PPP1R9A: variants seen among roughly 807,000 people sequenced by gnomAD.
The protein encoded by PPP1R9A is protein phosphatase 1 regulatory subunit 9A.
Under a neutral mutation model 141.9 loss-of-function variants are expected in PPP1R9A, and 59 were observed. That is an observed-to-expected ratio of 0.42 (90% CI 0.34 to 0.52). The LOEUF is 0.52. Among genes scored for constraint, PPP1R9A ranks in the 20% least tolerant of loss-of-function variants. The pLI, the probability that PPP1R9A is intolerant of heterozygous loss-of-function variation, is 0.10. For synonymous variants in PPP1R9A, 500 were observed against 569.7 expected, an observed-to-expected ratio of 0.88 and a Z score of 1.74; for missense variants, 1,444 against 1,611.9, an observed-to-expected ratio of 0.90 and a Z score of 1.78.
intron 8 of PPP1R9A, among the ~76,000 whole-genome samples, chr7:95,231,275 A>G (rs1795889387): frequency 6.6e-6 from 1 of 152,186 alleles, no homozygotes; most frequent in East Asian, 1.9e-4. Context: ...GAAATGAGAT[A>G]GATGGCAACA....
intron 8 of PPP1R9A, among the ~76,000 whole-genome samples, chr7:95,234,864 A>G (rs949122358): frequency 3.0e-4 from 46 of 152,156 alleles, no homozygotes; most frequent in African/African-American, 1.1e-3. Flanking sequence ...ATAAACCCAA[A>G]TATTTACAGC....
intron 16 of PPP1R9A, among the ~76,000 whole-genome samples, chr7:95,274,947 A>T (rs1251108531): frequency 8.5e-5 from 13 of 152,182 alleles, no homozygotes; most frequent in African/African-American, 3.1e-4. Context: ...CAGTGTAAGG[A>T]TTCAATGAGT....
At chr7:95,191,408 T>TATA (rs1835478090) in intron 5 of PPP1R9A, among the ~76,000 whole-genome samples, 1 of 152,202 alleles carries the variant, frequency 6.6e-6, no homozygotes, top group African/African-American at 2.4e-5. Context: ...TAATGTATAG[T>TATA]GATCATATCA....
intron 3 of PPP1R9A, among the ~76,000 whole-genome samples, 162 bp downstream of exon 3, chr7:95,111,553 T>C (rs940330143): frequency 2.0e-5 from 3 of 152,240 alleles, no homozygotes; most frequent in Middle Eastern, 3.4e-3. Context: ...GGATTCTGAG[T>C]AGATGGTGGA....
intron 2 of PPP1R9A, among the ~76,000 whole-genome samples, chr7:94,981,796 C>T (rs961675145): frequency 3.9e-5 from 6 of 152,132 alleles, no homozygotes; most frequent in Non-Finnish European, 8.8e-5. Context: ...GTGATTATTA[C>T]AGAGAAGAGT....
chr7:94,940,446 A>G (rs1422302070), intron 2 of PPP1R9A, among the ~76,000 whole-genome samples: 1 of 151,836 alleles, frequency 6.6e-6, no homozygotes, highest in South Asian at 2.1e-4. Context: ...TCTTATTCCC[A>G]GTTACTCTGA....
chr7:95,181,525 C>CAT (rs1261526147), intron 5 of PPP1R9A, among the ~76,000 whole-genome samples: 2 of 111,008 alleles, frequency 1.8e-5, no homozygotes, highest in Non-Finnish European at 3.8e-5. Flanking sequence ...TATATTCCAT[C>CAT]ATATATATAT....
intron 12 of PPP1R9A, among the ~76,000 whole-genome samples, chr7:95,255,025 T>G (rs1799387182): frequency 6.6e-6 from 1 of 152,114 alleles, no homozygotes; most frequent in Non-Finnish European, 1.5e-5. Context: ...TAACAAATTT[T>G]TTTCCACCAA....
intron 16 of PPP1R9A, among the ~76,000 whole-genome samples, chr7:95,282,000 A>G (rs946225196): frequency 6.6e-6 from 1 of 152,204 alleles, no homozygotes; most frequent in Non-Finnish European, 1.5e-5. Context: ...ATATGTTTCT[A>G]CACAGCTAGA....
At position 95,293,108 on chromosome 7, in the gene PPP1R9A, G is replaced by C. The variant is rs1445685418; in HGVS notation, c.*2805G>C. Reference sequence around the variant, plus strand: ...TAACAATAGCCAAAAGTGTTTTGGGGTATAGGTTATGCTTTGTTGGGAGGG... The same window carrying C: ...TAACAATAGCCAAAAGTGTTTTGGGCTATAGGTTATGCTTTGTTGGGAGGG... On this transcript the variant is annotated 3_prime_UTR_variant, in exon 20 of 20. Transcript: ENST00000433360. The C allele has an allele frequency of 6.6e-6, 1 of 152,174 alleles. No individual in the cohort carries two copies. The highest frequency in any genetic ancestry group is 1.5e-5 in the Non-Finnish European group (1 of 68,054). The allele number at this position is 152,174 out of a possible 1,614,324, so 9.4% of individuals were successfully genotyped here.
At chr7:94,973,755 A>G (rs953380685) in intron 2 of PPP1R9A, among the ~76,000 whole-genome samples, 5 of 138,932 alleles carry the variant, frequency 3.6e-5, no homozygotes, top group Admixed American at 1.5e-4. Context: ...GTCTCGCTCT[A>G]TTGCCCAGGC....
intron 4 of PPP1R9A, among the ~76,000 whole-genome samples, chr7:95,134,343 A>G (rs2152540283): frequency 6.6e-6 from 1 of 152,250 alleles, no homozygotes; most frequent in Admixed American, 6.5e-5. Flanking sequence ...GGGGAGGGAG[A>G]ACATTAGGAT....
intron 2 of PPP1R9A, among the ~76,000 whole-genome samples, chr7:95,048,702 C>T (rs1454022152): frequency 1.3e-5 from 2 of 151,930 alleles, no homozygotes; most frequent in African/African-American, 4.8e-5. Flanking sequence ...GCCACCACGC[C>T]GAGCTAATTT....
intron 2 of PPP1R9A, among the ~76,000 whole-genome samples, chr7:94,966,229 C>T (rs903609844): frequency 6.6e-6 from 1 of 152,026 alleles, no homozygotes; most frequent in African/African-American, 2.4e-5. Context: ...GGCTGAGACC[C>T]TGGGGTTTCT....
intron 6 of PPP1R9A, among the ~76,000 whole-genome samples, chr7:95,198,907 C>T (rs551350665): frequency 6.6e-6 from 1 of 152,208 alleles, no homozygotes; most frequent in African/African-American, 2.4e-5. Context: ...CATACACAAA[C>T]AAATATACAT....
In PPP1R9A at chr7:95,214,639, AGAAAGCAAGGTCATTG is replaced by A. The variant is rs558658820; in HGVS notation, c.1956+10911_1956+10926del. ...GGATTATACAAGGGCATGAACACCC[AGAAAGCAAGGTCATTG>A]GGGTCATTTTGGAGTCTGCCTCCTA... is the stretch of plus-strand genomic sequence containing the variant. On this transcript the variant is annotated intron_variant, in intron 7 of 19. Coordinates refer to ENST00000433360, the MANE Select transcript of PPP1R9A (RefSeq NM_001166160.2). 2.6e-3 allele frequency among the ~76,000 whole-genome samples: 398 copies of A among 152,306 alleles called. 1 individual carries two copies. Among genetic ancestry groups the A allele is most frequent in the African/African-American group, 8.8e-3 (367 of 41,578 alleles).
At chr7:95,183,084 T>C (rs529797127) in intron 5 of PPP1R9A, among the ~76,000 whole-genome samples, 25 of 152,208 alleles carry the variant, frequency 1.6e-4, no homozygotes, top group Admixed American at 1.6e-3. Context: ...TTAGGCAATT[T>C]TTTTTTTTAA....
intron 12 of PPP1R9A, among the ~76,000 whole-genome samples, chr7:95,260,329 A>G (rs987502361): frequency 1.3e-5 from 2 of 152,178 alleles, no homozygotes; most frequent in Non-Finnish European, 2.9e-5. Context: ...CTGCATCTTC[A>G]TAAGTTCGTA....
rs192391414 is a variant in PPP1R9A at position 95,144,787 on chromosome 7, A to T, written c.1650-17080A>T. Among the ~76,000 whole-genome samples the T allele has an allele frequency of 5.3e-5, 8 of 152,332 alleles. No homozygotes were observed. The East Asian group carries it at 1.5e-3, about 29-fold the overall frequency. On this transcript the variant is annotated intron_variant, in intron 4 of 19. Coordinates refer to ENST00000433360, the MANE Select transcript of PPP1R9A (RefSeq NM_001166160.2). Reference sequence around the variant, plus strand: ...CATCCAGACGGGAAGGGAAGAAGGTAAACTATTCCTGTTGTAGATGACATG... The same window carrying T: ...CATCCAGACGGGAAGGGAAGAAGGTTAACTATTCCTGTTGTAGATGACATG...
Sources: gnomAD v4.1 joint callset for allele counts (sites outside exome capture counted in the v4.1 genomes callset) on GRCh38, gnomAD v4.1.1 for gene constraint, MANE v1.5 for transcripts, NCBI Gene and HGNC (gene_info 2026-07-23, HGNC 2026-07-21) for gene names.